The following KDM4C variants were observed in gnomAD, a reference collection of about 807,000 sequenced individuals.
KDM4C encodes the protein lysine demethylase 4C, also known as lysine-specific demethylase 4C.
In KDM4C, 81 loss-of-function variants were observed where a neutral mutation model predicts 129.3. The ratio of observed to expected loss-of-function variants is 0.63; its 90% CI spans 0.52 to 0.75. KDM4C has a LOEUF of 0.75. KDM4C is among the 30% of genes least tolerant of loss of function. KDM4C has a pLI of 0.00. For missense variants in KDM4C, 1,457 were observed against 1,304.0 expected, an observed-to-expected ratio of 1.12 and a Z score of -1.81; for synonymous variants, 573 against 456.1, an observed-to-expected ratio of 1.26 and a Z score of -3.26.
chr9:6,980,589 C>T (rs544122396), intron 8 of KDM4C, among the ~76,000 whole-genome samples: 12 of 152,204 alleles, frequency 7.9e-5, no homozygotes, highest in Admixed American at 3.9e-4. Flanking sequence ...GACCTTTTAG[C>T]GCTCAGTTCA....
chr9:6,996,711 A>T (rs1346099994), intron 12 of KDM4C, among the ~76,000 whole-genome samples: 4 of 152,248 alleles, frequency 2.6e-5, no homozygotes, highest in Non-Finnish European at 5.9e-5. Context: ...TATAGCTAAC[A>T]TACTTGTGCT....
chr9:6,798,068 T>C (rs1828087123), intron 2 of KDM4C, among the ~76,000 whole-genome samples: 1 of 152,190 alleles, frequency 6.6e-6, no homozygotes, highest in Non-Finnish European at 1.5e-5. Flanking sequence ...TAAAATAAGA[T>C]TTTTGTTATA....
intron 8 of KDM4C, among the ~76,000 whole-genome samples, chr9:6,934,385 C>T (rs1397214122): frequency 2.0e-5 from 3 of 149,920 alleles, no homozygotes; most frequent in Non-Finnish European, 4.4e-5. Flanking sequence ...GAGGCTGAGG[C>T]AGGAGAATGG....
intron 19 of KDM4C, among the ~76,000 whole-genome samples, chr9:7,132,000 T>G (rs1241095890): frequency 1.3e-5 from 2 of 152,200 alleles, no homozygotes; most frequent in Non-Finnish European, 2.9e-5. Context: ...GAAGAATTAT[T>G]CATCAAATTA....
At chr9:6,721,586 CTTTTTTT>C (rs59463106) in intron 1 of KDM4C, among the ~76,000 whole-genome samples, 1 of 127,248 alleles carries the variant, frequency 7.9e-6, no homozygotes, top group African/African-American at 2.9e-5. Context: ...GCCCGGCCCT[CTTTTTTT>C]TTTTTTTTTT....
rs763418081 is a variant in KDM4C, at chr9:6,793,159, A to C, written c.144+27A>C. ...TGATTATCCTTCGATGCTTTAAATGAAAAACAATCACTTGGCCTTTAATTT... is the reference window on the plus strand; with the variant it reads ...TGATTATCCTTCGATGCTTTAAATGCAAAACAATCACTTGGCCTTTAATTT... On this transcript the variant is annotated intron_variant, in intron 2 of 21. Coordinates refer to ENST00000381309, the MANE Select transcript of KDM4C (RefSeq NM_015061.6). 9.4e-6 allele frequency: 15 copies of C among 1,599,688 alleles called. No homozygotes were observed. In the Admixed American group the frequency reaches 2.4e-4, roughly 26 times the overall value.
chr9:6,762,509 G>C (rs1384306840), intron 1 of KDM4C, among the ~76,000 whole-genome samples: 1 of 151,728 alleles, frequency 6.6e-6, no homozygotes, highest in Non-Finnish European at 1.5e-5. Flanking sequence ...CTTAGGAGGT[G>C]TATCATAATT....
At chr9:6,735,606 C>A (rs1264198642) in intron 1 of KDM4C, among the ~76,000 whole-genome samples, 1 of 152,164 alleles carries the variant, frequency 6.6e-6, no homozygotes, top group African/African-American at 2.4e-5. Context: ...TTTTTGCATG[C>A]TGCCATCCAT....
In KDM4C at chr9:6,748,178, AAC is replaced by A. The variant is rs1247325403; in HGVS notation, c.49+27183_49+27184del. 3.3e-3 allele frequency among the ~76,000 whole-genome samples: 429 copies of A among 129,594 alleles called. 4 individuals are homozygous for A. Among genetic ancestry groups the A allele is most frequent in the African/African-American group, 0.01 (401 of 39,274 alleles). The allele number at this position is 129,594 out of a possible 152,430, so 85.0% of individuals were successfully genotyped here. On this transcript the variant is annotated intron_variant, in intron 1 of 17. Coordinates refer to the KDM4C transcript ENST00000536108. The stretch of plus-strand genomic sequence containing the variant: ...AAGACTTGGTCTCAAAAAAAAAACA[AAC>A]AAACAAACAAAAAACAACAACAATT...
intron 4 of KDM4C, among the ~76,000 whole-genome samples, chr9:6,833,384 T>C (rs1046863371): frequency 4.6e-5 from 7 of 152,158 alleles, no homozygotes; most frequent in African/African-American, 1.7e-4. Flanking sequence ...CTTTCCTAGA[T>C]ATTGGGAGAT....
At chr9:6,864,453 G>A (rs958634184) in intron 5 of KDM4C, among the ~76,000 whole-genome samples, 1 of 152,016 alleles carries the variant, frequency 6.6e-6, no homozygotes. Flanking sequence ...TTTGACCTTT[G>A]AGAAATTTAT....
intron 18 of KDM4C, among the ~76,000 whole-genome samples, chr9:7,127,169 A>T (rs958224685): frequency 6.6e-6 from 1 of 152,298 alleles, no homozygotes; most frequent in East Asian, 1.9e-4. Flanking sequence ...AGCATACACC[A>T]CCATTGCAGT....
At chr9:6,800,757 G>T (rs552151330) in intron 2 of KDM4C, among the ~76,000 whole-genome samples, 2 of 152,232 alleles carry the variant, frequency 1.3e-5, no homozygotes, top group South Asian at 4.1e-4. Flanking sequence ...CTCCCGAGTA[G>T]CTAGGACTAT....
chr9:7,075,042 T>C (rs928440907), intron 17 of KDM4C, among the ~76,000 whole-genome samples: 1 of 152,120 alleles, frequency 6.6e-6, no homozygotes, highest in African/African-American at 2.4e-5. Flanking sequence ...GTCTCCTCTT[T>C]CTTGAACAAA....
At chr9:6,850,033 C>T (rs1381954072) in intron 5 of KDM4C, among the ~76,000 whole-genome samples, 2 of 152,152 alleles carry the variant, frequency 1.3e-5, no homozygotes, top group Non-Finnish European at 2.9e-5. Flanking sequence ...TACTTTGTAG[C>T]TAAATACTTT....
intron 19 of KDM4C, among the ~76,000 whole-genome samples, chr9:7,142,573 AT>A (rs1172043133): frequency 6.6e-6 from 1 of 152,220 alleles, no homozygotes; most frequent in African/African-American, 2.4e-5. Flanking sequence ...AACATCTCTC[AT>A]TTTGAGATTC....
At chr9:6,814,796 T>G in intron 4 of KDM4C, 51 bp downstream of exon 4, 3 of 1,183,246 alleles carry the variant, frequency 2.5e-6, no homozygotes, top group Non-Finnish European at 3.7e-6. Flanking sequence ...ATGTGACAGT[T>G]TTGTTACCAT....
At chr9:6,852,154 T>C (rs2130186499) in intron 5 of KDM4C, among the ~76,000 whole-genome samples, 1 of 152,226 alleles carries the variant, frequency 6.6e-6, no homozygotes, top group East Asian at 1.9e-4. Context: ...ATATTACATT[T>C]CCTCAGCATA....
chr9:6,801,315 T>G (rs984732349), intron 2 of KDM4C, among the ~76,000 whole-genome samples: 1 of 143,510 alleles, frequency 7.0e-6, no homozygotes, highest in Non-Finnish European at 1.5e-5. Context: ...TGCAGTGGCG[T>G]GATCTTGGCT....
Sources: allele counts gnomAD v4.1 joint callset (sites outside exome capture counted in the v4.1 genomes callset), GRCh38; gene constraint gnomAD v4.1.1; transcripts MANE v1.5; gene names NCBI Gene and HGNC (gene_info 2026-07-23, HGNC 2026-07-21).